The following GTF3C1 variants were observed in gnomAD, a reference collection of about 807,000 sequenced individuals.
GTF3C1 encodes general transcription factor 3C polypeptide 1.
GTF3C1 carries 57 observed loss-of-function variants against 226.7 expected under a neutral mutation model. That is an observed-to-expected ratio of 0.25 (90% CI 0.20 to 0.31). GTF3C1 has a LOEUF of 0.31. GTF3C1 is among the 10% of genes least tolerant of loss of function. GTF3C1 has a pLI of 1.00. For synonymous variants in GTF3C1, 1,090 were observed against 1,084.8 expected, an observed-to-expected ratio of 1.00 and a Z score of -0.09; for missense variants, 2,217 against 2,776.1, an observed-to-expected ratio of 0.80 and a Z score of 4.53.
In GTF3C1 at chr16:27,507,983, G is replaced by A. The variant is rs187564311; in HGVS notation, c.1242+557C>T. ...GCTGACTGTCCCCATGTGGGAGTAG[G>A]CTCCCGGGGTGGCCACATCACCTTC... On this transcript the variant is annotated intron_variant, in intron 8 of 36. Transcript: ENST00000356183. The surrounding 1 kb of genome is among the most constrained non-coding windows in gnomAD (Gnocchi z 4.9). 3.0e-4 allele frequency among the ~76,000 whole-genome samples: 45 copies of A among 152,364 alleles called. No homozygotes were observed. Among genetic ancestry groups the A allele is most frequent in the Admixed American group, 3.3e-4 (5 of 15,306 alleles).
At chr16:27,531,336 T>C (rs1014107579) in intron 5 of GTF3C1, among the ~76,000 whole-genome samples, 3 of 152,248 alleles carry the variant, frequency 2.0e-5, no homozygotes, top group African/African-American at 7.2e-5. Context: ...CCACAACTCA[T>C]GCCTTTGCAC....
intron 23 of GTF3C1, among the ~76,000 whole-genome samples, chr16:27,486,978 C>T (rs539935262): frequency 1.2e-4 from 19 of 152,326 alleles, no homozygotes; most frequent in Admixed American, 3.3e-4. Flanking sequence ...ACCTTGAGAG[C>T]GTAGCCACAG....
rs923448050 is a variant in GTF3C1, at chr16:27,462,568, G to A, written c.5925-82C>T. ...AGACAGAACACTGAGGCTCAGGGGC[G>A]TCCTAGGCCTGGCCCAGGTCACAGG... On this transcript the variant is annotated intron_variant, in intron 35 of 36. Transcript: ENST00000356183. This position sits in a 1 kb window ranked among gnomAD's most constrained non-coding sequence, Gnocchi z 4.5. 3.9e-5 allele frequency: 41 copies of A among 1,050,854 alleles called. No homozygotes were observed. Among genetic ancestry groups the A allele is most frequent in the Middle Eastern group, 2.3e-4 (1 of 4,394 alleles). The allele number at this position is 1,050,854 out of a possible 1,614,324, so 65.1% of individuals were successfully genotyped here.
In GTF3C1 at chr16:27,476,462, G is replaced by T; in HGVS notation, c.4342C>A (p.Gln1448Lys). ...CAGCCGACACCCACCTGGAATGACT[G>T]GTAGGACTTCATCTGACTGTCTGAG... The part of the protein sequence containing the change: ...ALSDSQMKSY[Q>K]SFQTFRLYRE... The change falls in exon 29 of 37, where the codon CAG becomes AAG. Residue 1448 changes from glutamine (Q) to lysine (K), a missense_variant. Physicochemically the swap from Gln to Lys is moderately conservative, Grantham distance 53. Transcript: ENST00000356183. The T allele has an allele frequency of 6.2e-7, 1 of 1,608,496 alleles. No homozygotes were observed. Among genetic ancestry groups the T allele is most frequent in the Non-Finnish European group, 8.5e-7 (1 of 1,174,954 alleles).
intron 32 of GTF3C1, 46 bp from the exon 33 acceptor site, chr16:27,465,586 C>T (rs1210089004): frequency 6.7e-7 from 1 of 1,494,540 alleles, no homozygotes; most frequent in East Asian, 2.4e-5. Flanking sequence ...ACAGAGGCCC[C>T]CCTCCCCTGA....
chr16:27,467,252 C>T (rs1435712945), intron 32 of GTF3C1, among the ~76,000 whole-genome samples: 1 of 152,212 alleles, frequency 6.6e-6, no homozygotes, highest in East Asian at 1.9e-4. Flanking sequence ...TGGTCATTTC[C>T]CATCCCCAAA....
At position 27,507,201 on chromosome 16, in the gene GTF3C1, A is replaced by G; in HGVS notation, c.1243-45T>C. 2.1e-6 allele frequency: 3 copies of G among 1,417,284 alleles called. No homozygotes were observed. Among genetic ancestry groups the G allele is most frequent in the South Asian group, 2.5e-5 (2 of 79,804 alleles). The allele number at this position is 1,417,284 out of a possible 1,614,324, so 87.8% of individuals were successfully genotyped here. A position where few individuals can be genotyped will look rare whatever the true frequency, so the allele number is the denominator to read the frequency against. ...TTTATCCCACTGCAAAGAGGGCGTCATACCCACAGGGGTTCAGGTGGTCTG... is the reference window on the plus strand; with the variant it reads ...TTTATCCCACTGCAAAGAGGGCGTCGTACCCACAGGGGTTCAGGTGGTCTG... On this transcript the variant is annotated intron_variant, in intron 8 of 36. Transcript: ENST00000356183. The surrounding 1 kb of genome is among the most constrained non-coding windows in gnomAD (Gnocchi z 4.9).
chr16:27,465,547 G>A lies in GTF3C1; in HGVS notation c.5075-7C>T. On this transcript the variant is annotated splice_polypyrimidine_tract_variant and splice_region_variant and intron_variant, in intron 32 of 36. Coordinates refer to ENST00000356183, the MANE Select transcript of GTF3C1 (RefSeq NM_001520.4). ...AGCTCTTCCAGAGGAGCGGCTGTGG[G>A]GACACAGAGGAAGATCAGAGGCAGC... 1 of 1,591,814 alleles carries A rather than the reference G, an allele frequency of 6.3e-7. No homozygotes were observed. Among genetic ancestry groups the A allele is most frequent in the Non-Finnish European group, 8.5e-7 (1 of 1,175,258 alleles).
chr16:27,515,472 A>C (rs572776394), intron 6 of GTF3C1, among the ~76,000 whole-genome samples: 36 of 151,978 alleles, frequency 2.4e-4, no homozygotes, highest in Admixed American at 7.2e-4. Context: ...CAACAAAAAA[A>C]AAAAACAAAA....
At chr16:27,495,001 C>CT in intron 15 of GTF3C1, 93 bp from the exon 16 acceptor site, 1 of 1,126,792 alleles carries the variant, frequency 8.9e-7, no homozygotes, top group Non-Finnish European at 1.3e-6. Context: ...GTCTTGGTGT[C>CT]TTTACCCCTA....
intron 10 of GTF3C1, among the ~76,000 whole-genome samples, chr16:27,503,425 G>T: frequency 6.6e-6 from 1 of 152,152 alleles, no homozygotes; most frequent in East Asian, 1.9e-4. Flanking sequence ...CCATTTTACA[G>T]AAGAAGAAAC....
rs2089254006 is a variant in GTF3C1, at chr16:27,549,860, C to T, written c.31G>A (p.Val11Ile). The T allele has an allele frequency of 6.2e-7, 1 of 1,612,434 alleles. No homozygotes were observed. The highest frequency in any genetic ancestry group is 8.5e-7 in the Non-Finnish European group (1 of 1,179,338). Residue 11 changes from valine (V) to isoleucine (I), a missense_variant, in exon 1 of 37, where the codon GTC becomes ATC. This residue lies in a region of GTF3C1 where 192 missense variants were observed against 251.8 expected (regional missense o/e 0.76). Coordinates refer to ENST00000356183, the MANE Select transcript of GTF3C1 (RefSeq NM_001520.4). MDALESLLDE[V>I]ALEGLDGLCL... is the part of the protein sequence containing the mutation. The stretch of plus-strand genomic sequence containing the variant: ...AGGCCATCGAGCCCCTCCAGAGCGA[C>T]TTCGTCCAACAACGACTCCAGCGCG...
At chr16:27,466,906 G>A (rs182085436) in intron 32 of GTF3C1, among the ~76,000 whole-genome samples, 21 of 152,344 alleles carry the variant, frequency 1.4e-4, no homozygotes, top group Admixed American at 1.3e-4. Flanking sequence ...GCTGAGAAAG[G>A]TGAGGAAGAT....
chr16:27,508,295 G>A (rs1345689981), intron 8 of GTF3C1, among the ~76,000 whole-genome samples: 1 of 152,234 alleles, frequency 6.6e-6, no homozygotes, highest in Non-Finnish European at 1.5e-5. Context: ...ACAGGTGTGG[G>A]CCACCATGCC....
At chr16:27,510,373 G>A (rs371926425) in intron 7 of GTF3C1, among the ~76,000 whole-genome samples, 25 of 151,342 alleles carry the variant, frequency 1.7e-4, no homozygotes, top group African/African-American at 3.6e-4. Flanking sequence ...GCGACACAGC[G>A]AGACTCCATC....
chr16:27,493,931 C>CA (rs891253730), intron 16 of GTF3C1, among the ~76,000 whole-genome samples: 2 of 148,208 alleles, frequency 1.3e-5, no homozygotes, highest in East Asian at 2.0e-4. Flanking sequence ...TTCAATTCAG[C>CA]TTTTTTTTTT....
intron 12 of GTF3C1, among the ~76,000 whole-genome samples, chr16:27,499,928 C>A (rs1027868592): frequency 6.6e-6 from 1 of 152,182 alleles, no homozygotes; most frequent in East Asian, 1.9e-4. Flanking sequence ...CACATGCACA[C>A]GACGGAAGCC....
At chr16:27,495,630 C>T in intron 14 of GTF3C1, 138 bp from the exon 15 acceptor site, 1 of 755,018 alleles carries the variant, frequency 1.3e-6, no homozygotes, top group Non-Finnish European at 2.1e-6. Context: ...TTAGAGCTTA[C>T]TTTCTAATGG....
At chr16:27,485,894 C>T in intron 24 of GTF3C1, 103 bp downstream of exon 24, 1 of 679,760 alleles carries the variant, frequency 1.5e-6, no homozygotes, top group Non-Finnish European at 2.5e-6. Context: ...CGAAGCAGAG[C>T]AGCTGAGAGG....
Sources: gnomAD v4.1 joint callset for allele counts (sites outside exome capture counted in the v4.1 genomes callset) on GRCh38, gnomAD v4.1.1 for gene constraint, gnomAD v4.1.1 regional missense constraint, Gnocchi (gnomAD v3.1) non-coding constraint, MANE v1.5 for transcripts, NCBI Gene and HGNC (gene_info 2026-07-23, HGNC 2026-07-21) for gene names.